Variants in ANAPC10 observed in about 807,000 individuals in gnomAD.
ANAPC10 encodes anaphase-promoting complex subunit 10.
Under a neutral mutation model 22.0 loss-of-function variants are expected in ANAPC10, and 12 were observed. The ratio of observed to expected loss-of-function variants is 0.55; its 90% CI spans 0.35 to 0.88. The LOEUF is 0.88. Among genes scored for constraint, ANAPC10 ranks in the 40% least tolerant of loss-of-function variants. The pLI is 0.01. For missense variants in ANAPC10, 188 were observed against 220.9 expected (o/e 0.85, Z 0.94); for synonymous variants, 65 against 69.5 (o/e 0.94, Z 0.32).
intron 3 of ANAPC10, among the ~76,000 whole-genome samples, chr4:145,077,154 G>A (rs1013584673): frequency 1.3e-5 from 2 of 152,062 alleles, no homozygotes; most frequent in African/African-American, 2.4e-5. Flanking sequence ...AGCCGAGATC[G>A]TGCCACTGCA....
At chr4:145,064,974 C>G (rs751720144) in intron 3 of ANAPC10, among the ~76,000 whole-genome samples, 3 of 152,004 alleles carry the variant, frequency 2.0e-5, no homozygotes, top group Non-Finnish European at 4.4e-5. Context: ...AAATTAGGTA[C>G]TTTATCATGC....
chr4:144,999,833 T>C (rs996358706), intron 4 of ANAPC10, among the ~76,000 whole-genome samples: 4 of 152,184 alleles, frequency 2.6e-5, no homozygotes, highest in South Asian at 2.1e-4. Context: ...CTAAACAGCA[T>C]GGTACTGATA....
chr4:145,014,183 C>T (rs1734761597), intron 4 of ANAPC10, among the ~76,000 whole-genome samples: 1 of 151,994 alleles, frequency 6.6e-6, no homozygotes, highest in South Asian at 2.1e-4. Context: ...GAGGTGGGTA[C>T]CATGGGGCAA....
At chr4:145,054,148 C>A (rs1741555613) in intron 4 of ANAPC10, among the ~76,000 whole-genome samples, 1 of 150,928 alleles carries the variant, frequency 6.6e-6, no homozygotes. Context: ...ACTTTGTGAT[C>A]TGCCCGCTGC....
At chr4:145,051,072 G>A (rs1385602103) in intron 4 of ANAPC10, among the ~76,000 whole-genome samples, 1 of 152,058 alleles carries the variant, frequency 6.6e-6, no homozygotes, top group East Asian at 1.9e-4. Context: ...ATTCTTTCTG[G>A]CTGTTGAGTT....
At position 145,070,180 on chromosome 4, in the gene ANAPC10, G is replaced by A. The variant is rs34866515; in HGVS notation, c.207-5488C>T. On this transcript the variant is annotated intron_variant, in intron 3 of 4. Transcript: ENST00000507656. ...AGCTACAGCTTGCAGGCTAAATGTG[G>A]ACCGCCACCTATTTTTGTAAATAAA... 4.4e-3 allele frequency among the ~76,000 whole-genome samples: 664 copies of A among 152,266 alleles called. 3 individuals carry two copies. The highest frequency in any genetic ancestry group is 0.015 in the African/African-American group (610 of 41,552).
rs1012151109 is a variant in ANAPC10, at chr4:145,031,276, C to A, written c.327+33296G>T. 4.6e-5 allele frequency among the ~76,000 whole-genome samples: 7 copies of A among 152,180 alleles called. 1 individual carries two copies. The East Asian group carries it at 1.3e-3, about 29-fold the overall frequency. ...CATTGTGCTGACTGGATCCAGTGAG[C>A]AAGAAGTAGCAAATACACTGGACTT... On this transcript the variant is annotated intron_variant, in intron 4 of 4. Transcript: ENST00000507656.
At chr4:145,054,652 CGCGTGCGT>C (rs1192178315) in intron 4 of ANAPC10, among the ~76,000 whole-genome samples, 8 of 143,822 alleles carry the variant, frequency 5.6e-5, no homozygotes, top group African/African-American at 1.0e-4. Context: ...CGCGCGCGCG[CGCGTGCGT>C]GCAGCGCATG....
chr4:145,001,981 A>G (rs944029891), intron 4 of ANAPC10, among the ~76,000 whole-genome samples: 6 of 152,210 alleles, frequency 3.9e-5, no homozygotes, highest in Admixed American at 6.5e-5. Context: ...AACTGTTTAC[A>G]TGTCTTCCTA....
chr4:145,035,699 G>C (rs927268200), intron 4 of ANAPC10, among the ~76,000 whole-genome samples: 1 of 152,162 alleles, frequency 6.6e-6, no homozygotes, highest in African/African-American at 2.4e-5. Flanking sequence ...GATTGTTTTT[G>C]TTCCCCACCA....
At position 145,095,180 on chromosome 4, in the gene ANAPC10, T is replaced by A. The variant is rs142309343; in HGVS notation, c.115+805A>T. Among the ~76,000 whole-genome samples, 17 of 152,326 alleles carry A rather than the reference T, an allele frequency of 1.1e-4. No individual in the cohort carries two copies. In the East Asian group the frequency reaches 3.3e-3, roughly 29 times the overall value. ...AAAAGGAATATTAAAATCAGACCAG[T>A]GTACAGTAGTATCTTTATCTGCAGT... On this transcript the variant is annotated intron_variant, in intron 2 of 4. Coordinates refer to ENST00000507656, the MANE Select transcript of ANAPC10 (RefSeq NM_001256706.2).
intron 4 of ANAPC10, among the ~76,000 whole-genome samples, chr4:145,028,528 C>G (rs527304289): frequency 6.6e-6 from 1 of 152,072 alleles, no homozygotes; most frequent in East Asian, 1.9e-4. Context: ...ACTAATACAG[C>G]TTTTGGTACC....
intron 4 of ANAPC10, among the ~76,000 whole-genome samples, chr4:145,024,382 A>G (rs1347214574): frequency 1.3e-5 from 2 of 152,208 alleles, no homozygotes; most frequent in East Asian, 3.8e-4. Context: ...GCCCAGTTCC[A>G]TCAGAGGAAT....
At chr4:145,093,945 T>C (rs138579101) in intron 2 of ANAPC10, among the ~76,000 whole-genome samples, 44 of 152,320 alleles carry the variant, frequency 2.9e-4, no homozygotes, top group African/African-American at 9.1e-4. Context: ...ATGGACACAA[T>C]GTCTTTTACA....
At chr4:145,095,624 CAT>C (rs879626957) in intron 2 of ANAPC10, among the ~76,000 whole-genome samples, 6 of 152,184 alleles carry the variant, frequency 3.9e-5, no homozygotes, top group Non-Finnish European at 5.9e-5. Context: ...GCTCTCATCA[CAT>C]AGACATTTTA....
At chr4:145,043,318 T>C (rs932533673) in intron 4 of ANAPC10, among the ~76,000 whole-genome samples, 1 of 152,202 alleles carries the variant, frequency 6.6e-6, no homozygotes, top group Admixed American at 6.5e-5. Flanking sequence ...AAATACATAG[T>C]ACTGTATTAA....
At chr4:145,004,194 T>A (rs750986340) in intron 4 of ANAPC10, among the ~76,000 whole-genome samples, 1 of 152,170 alleles carries the variant, frequency 6.6e-6, no homozygotes, top group Non-Finnish European at 1.5e-5. Context: ...TGGTTTTGTA[T>A]CTGAAACTTT....
At position 145,064,629 on chromosome 4, in the gene ANAPC10, A is replaced by C; in HGVS notation, c.270T>G (p.Thr90=). 1.2e-6 allele frequency: 2 copies of C among 1,607,690 alleles called. No individual in the cohort carries two copies. The highest frequency in any genetic ancestry group is 1.7e-6 in the Non-Finnish European group (2 of 1,176,142). ...CTACTCTGACTGAGATCTTGCTTGG[A>C]GTATAGCTTTCATCAGATTTGTAGT... The part of the protein sequence containing the change: ...YADYKSDESY[T]PSKISVRVGN... The change falls in exon 4 of 5, where the codon ACT becomes ACG. Residue 90 remains threonine, a synonymous_variant. Coordinates refer to ENST00000507656, the MANE Select transcript of ANAPC10 (RefSeq NM_001256706.2).
At chr4:145,048,101 A>G (rs1740594945) in intron 4 of ANAPC10, among the ~76,000 whole-genome samples, 1 of 152,156 alleles carries the variant, frequency 6.6e-6, no homozygotes, top group South Asian at 2.1e-4. Flanking sequence ...CAATTTTAGA[A>G]CTAATCTGCC....
Sources: gnomAD v4.1 joint callset for allele counts (sites outside exome capture counted in the v4.1 genomes callset) on GRCh38, gnomAD v4.1.1 for gene constraint, MANE v1.5 for transcripts, NCBI Gene and HGNC (gene_info 2026-07-23, HGNC 2026-07-21) for gene names.